PRLR: variants seen among roughly 807,000 people sequenced by gnomAD.
The protein encoded by PRLR is prolactin receptor.
PRLR carries 13 observed loss-of-function variants against 40.2 expected under a neutral mutation model. The ratio of observed to expected loss-of-function variants is 0.32; its 90% CI spans 0.21 to 0.51. The LOEUF is 0.51. PRLR is among the 20% of genes least tolerant of loss of function. The pLI, the probability that PRLR is intolerant of heterozygous loss-of-function variation, is 0.97. For synonymous variants in PRLR, 269 were observed against 278.7 expected (o/e 0.97, Z 0.35); for missense variants, 656 against 747.3 (o/e 0.88, Z 1.42).
At chr5:35,126,198 G>A (rs1773458580) in intron 1 of PRLR, among the ~76,000 whole-genome samples, 1 of 152,178 alleles carries the variant, frequency 6.6e-6, no homozygotes, top group Non-Finnish European at 1.5e-5. Flanking sequence ...ATATTAGCAT[G>A]GGCAAATAGA....
At chr5:35,207,734 A>G (rs538056215) in intron 1 of PRLR, among the ~76,000 whole-genome samples, 52 of 152,312 alleles carry the variant, frequency 3.4e-4, no homozygotes, top group African/African-American at 1.2e-3. Context: ...GTTGGAAGAA[A>G]CACACATACA....
At chr5:35,223,412 A>T (rs1228237631) in intron 1 of PRLR, among the ~76,000 whole-genome samples, 2 of 152,186 alleles carry the variant, frequency 1.3e-5, no homozygotes, top group South Asian at 2.1e-4. Context: ...AGTGGGGCTG[A>T]GGCATTTGTA....
At chr5:35,198,088 G>T (rs1448794193) in intron 1 of PRLR, among the ~76,000 whole-genome samples, 1 of 152,206 alleles carries the variant, frequency 6.6e-6, no homozygotes, top group Non-Finnish European at 1.5e-5. Context: ...AGATTCCCCA[G>T]CGACAGGGCA....
At chr5:35,117,576 GC>G (rs1561315102) in intron 2 of PRLR, among the ~76,000 whole-genome samples, 1 of 152,204 alleles carries the variant, frequency 6.6e-6, no homozygotes, top group East Asian at 1.9e-4. Flanking sequence ...AAGACCCAGA[GC>G]CTGTCACACA....
intron 1 of PRLR, among the ~76,000 whole-genome samples, chr5:35,174,928 G>C (rs1359226567): frequency 6.6e-6 from 1 of 152,182 alleles, no homozygotes; most frequent in Non-Finnish European, 1.5e-5. Context: ...AGGCAAGAAT[G>C]GGTCTGACTT....
At chr5:35,158,475 G>C (rs549342117) in intron 1 of PRLR, among the ~76,000 whole-genome samples, 1 of 152,212 alleles carries the variant, frequency 6.6e-6, no homozygotes, top group East Asian at 1.9e-4. Context: ...TACTAGCATA[G>C]TGCACAGCTT....
intron 1 of PRLR, among the ~76,000 whole-genome samples, chr5:35,140,910 A>G (rs760012926): frequency 2.0e-5 from 3 of 152,172 alleles, no homozygotes; most frequent in Non-Finnish European, 4.4e-5. Flanking sequence ...AATGTACCCA[A>G]CTGAAAAAAA....
At chr5:35,224,440 T>C (rs1776502422) in intron 1 of PRLR, among the ~76,000 whole-genome samples, 1 of 152,230 alleles carries the variant, frequency 6.6e-6, no homozygotes, top group Non-Finnish European at 1.5e-5. Context: ...CAGTGACAGA[T>C]ACACTAAGAT....
chr5:35,229,785 C>G (rs1258765615), intron 1 of PRLR, among the ~76,000 whole-genome samples: 1 of 152,180 alleles, frequency 6.6e-6, no homozygotes, highest in Admixed American at 6.5e-5. Flanking sequence ...GCGGCTGCTG[C>G]TGATGGGAGA....
rs1768747778 is a variant in PRLR at position 35,056,784 on chromosome 5, G to A, written c.*8305C>T. ...GCAGTTGGCTTCAATATAAGCACAG[G>A]AGAGCCAGCGTTTCTGTGACTGAAG... is the stretch of plus-strand genomic sequence containing the variant. On this transcript the variant is annotated 3_prime_UTR_variant, in exon 10 of 10. Transcript: ENST00000618457. The A allele has an allele frequency of 6.6e-6, 1 of 152,106 alleles. No homozygotes were observed. Among genetic ancestry groups the A allele is most frequent in the Non-Finnish European group, 1.5e-5 (1 of 68,020 alleles). The allele number at this position is 152,106 out of a possible 1,614,324, so 9.4% of individuals were successfully genotyped here.
At chr5:35,135,426 G>A (rs1191325841) in intron 1 of PRLR, 2 of 152,552 alleles carry the variant, frequency 1.3e-5, no homozygotes, top group Non-Finnish European at 2.9e-5. Context: ...GCAGCCAGAG[G>A]GAGACACAGC....
chr5:35,161,533 A>G (rs1023129293), intron 1 of PRLR, among the ~76,000 whole-genome samples: 2 of 152,244 alleles, frequency 1.3e-5, no homozygotes, highest in African/African-American at 4.8e-5. Context: ...TATTTTCAAA[A>G]CTGTGGCCAT....
chr5:35,096,914 C>A (rs1044336308), intron 2 of PRLR, among the ~76,000 whole-genome samples: 2 of 152,162 alleles, frequency 1.3e-5, no homozygotes, highest in Admixed American at 6.6e-5. Context: ...GCCACTGTGC[C>A]CGGCCTTAAA....
At chr5:35,132,201 T>A (rs1169515895) in intron 1 of PRLR, among the ~76,000 whole-genome samples, 1 of 152,114 alleles carries the variant, frequency 6.6e-6, no homozygotes, top group African/African-American at 2.4e-5. Context: ...AAAAGGGAAA[T>A]AAATTAAACC....
At chr5:35,076,231 T>G (rs1770087589) in intron 5 of PRLR, among the ~76,000 whole-genome samples, 1 of 152,054 alleles carries the variant, frequency 6.6e-6, no homozygotes. Flanking sequence ...AGACGATTGG[T>G]AATAACAAAC....
chr5:35,109,841 G>T (rs550394472), intron 2 of PRLR, among the ~76,000 whole-genome samples: 1 of 152,098 alleles, frequency 6.6e-6, no homozygotes, highest in African/African-American at 2.4e-5. Context: ...TGGAAATACC[G>T]TTTGACCCAG....
chr5:35,177,658 G>A (rs2111966966), intron 1 of PRLR, among the ~76,000 whole-genome samples: 1 of 152,136 alleles, frequency 6.6e-6, no homozygotes, highest in East Asian at 1.9e-4. Flanking sequence ...CTTTTCTATG[G>A]CTGAATCCTC....
At chr5:35,224,342 T>C (rs1776498739) in intron 1 of PRLR, among the ~76,000 whole-genome samples, 1 of 152,202 alleles carries the variant, frequency 6.6e-6, no homozygotes, top group Non-Finnish European at 1.5e-5. Flanking sequence ...TTTCCATTTC[T>C]GGCCAGTGAA....
intron 1 of PRLR, among the ~76,000 whole-genome samples, chr5:35,196,504 C>A (rs1349557582): frequency 6.6e-6 from 1 of 152,188 alleles, no homozygotes; most frequent in Non-Finnish European, 1.5e-5. Context: ...ACTCCATCAG[C>A]CAGGGGATTA....
Sources: allele counts gnomAD v4.1 joint callset (sites outside exome capture counted in the v4.1 genomes callset), GRCh38; gene constraint gnomAD v4.1.1; transcripts MANE v1.5; gene names NCBI Gene and HGNC (gene_info 2026-07-23, HGNC 2026-07-21).